The following MET variants were observed in gnomAD, a reference collection of about 807,000 sequenced individuals.
The protein encoded by MET is hepatocyte growth factor receptor.
In MET, 48 loss-of-function variants were observed where a neutral mutation model predicts 133.1. The observed-to-expected ratio is 0.36, with a 90% CI of 0.29 to 0.46. The LOEUF (loss-of-function observed/expected upper bound fraction) is 0.46, where lower values mean the gene tolerates loss of function less well. Among genes scored for constraint, MET ranks in the 20% least tolerant of loss-of-function variants. The probability of loss-of-function intolerance (pLI) is 1.00; values close to 1 mark genes in which losing one functional copy is unlikely to be tolerated. For missense variants in MET, 1,442 were observed against 1,695.9 expected (o/e 0.85, Z 2.63); for synonymous variants, 628 against 616.5 (o/e 1.02, Z -0.28).
At position 116,758,602 on chromosome 7, in the gene MET, C is replaced by T. The variant is rs1794279427; in HGVS notation, c.2246C>T (p.Pro749Leu). The T allele has an allele frequency of 6.2e-7, 1 of 1,613,566 alleles. No individual in the cohort carries two copies. The highest frequency in any genetic ancestry group is 8.5e-7 in the Non-Finnish European group (1 of 1,179,782). The change falls in exon 9 of 21, where the codon CCA becomes CTA. Residue 749 changes from proline to leucine, a missense_variant. Pro to Leu is a moderately conservative substitution (Grantham distance 98). Coordinates refer to ENST00000397752, the MANE Select transcript of MET (RefSeq NM_000245.4). ...GATCCCATTGTCTATGAAATTCATC[C>T]AACCAAATCTTTTATTAGGTAAGTA... ...REDPIVYEIH[P>L]TKSFISGGST...
intron 11 of MET, among the ~76,000 whole-genome samples, chr7:116,763,748 T>G (rs988091939): frequency 6.6e-6 from 1 of 152,212 alleles, no homozygotes; most frequent in Non-Finnish European, 1.5e-5. Flanking sequence ...AGGAACATAT[T>G]AGCTTCTAAA....
In MET at chr7:116,797,662, A is replaced by C. The variant is rs1020100182; in HGVS notation, c.*1538A>C. ...GTTTATTTTTAATGATATGAGAAAA[A>C]TTTTGTTAGGCCACAAAAACACTGC... On this transcript the variant is annotated 3_prime_UTR_variant, in exon 21 of 21. Transcript: ENST00000397752. The C allele has an allele frequency of 4.4e-6, 1 of 225,986 alleles. No individual in the cohort carries two copies. The highest frequency in any genetic ancestry group is 8.8e-6 in the Non-Finnish European group (1 of 113,338). 14.0% of individuals were successfully genotyped at this position (225,986 alleles called of 1,614,324 possible).
chr7:116,712,393 G>A (rs1259779984), intron 2 of MET, among the ~76,000 whole-genome samples: 3 of 152,110 alleles, frequency 2.0e-5, no homozygotes, highest in Non-Finnish European at 2.9e-5. Flanking sequence ...CAGTTCCATC[G>A]TTAGCCCCCT....
intron 19 of MET, among the ~76,000 whole-genome samples, chr7:116,787,307 G>T (rs916497601): frequency 6.6e-6 from 1 of 152,190 alleles, no homozygotes; most frequent in Non-Finnish European, 1.5e-5. Flanking sequence ...GGGTTAGTCT[G>T]CCATTAAGAA....
intron 2 of MET, among the ~76,000 whole-genome samples, chr7:116,719,832 C>A (rs1418399135): frequency 2.6e-5 from 4 of 152,010 alleles, no homozygotes; most frequent in Admixed American, 6.6e-5. Context: ...GGGCTCTGTT[C>A]TGTTCCATTG....
chr7:116,685,383 A>C (rs1767673479), intron 1 of MET, among the ~76,000 whole-genome samples: 1 of 152,200 alleles, frequency 6.6e-6, no homozygotes, highest in African/African-American at 2.4e-5. Flanking sequence ...AGATGCCTAA[A>C]AAATGTATGT....
chr7:116,741,071 T>TG, intron 5 of MET, 46 bp downstream of exon 5: 1 of 1,588,596 alleles, frequency 6.3e-7, no homozygotes, highest in South Asian at 1.1e-5. Flanking sequence ...TTTGGTGTTT[T>TG]TTTTTTTTTT....
At chr7:116,762,907 G>T in intron 10 of MET, 143 bp from the exon 11 acceptor site, 1 of 733,528 alleles carries the variant, frequency 1.4e-6, no homozygotes, top group Non-Finnish European at 2.3e-6. Context: ...TTCCAGAAAT[G>T]TGTAGTCTAA....
chr7:116,794,772 C>T (rs987184423), intron 19 of MET, among the ~76,000 whole-genome samples: 2 of 152,220 alleles, frequency 1.3e-5, no homozygotes, highest in Non-Finnish European at 2.9e-5. Flanking sequence ...TCCACAGGGG[C>T]GGCCTCTGCC....
intron 3 of MET, among the ~76,000 whole-genome samples, chr7:116,734,990 G>T: frequency 6.6e-6 from 1 of 152,138 alleles, no homozygotes; most frequent in Admixed American, 6.5e-5. Context: ...GCAAAGCATT[G>T]CTATTAAAAT....
rs866780626 is a variant in MET at position 116,718,592 on chromosome 7, C to T, written c.1201-13076C>T. Among the ~76,000 whole-genome samples the T allele has an allele frequency of 2.6e-4, 39 of 150,190 alleles. No individual in the cohort carries two copies. In the South Asian group the frequency reaches 5.1e-3, roughly 20 times the overall value. ...GTGCCATGCTGGTGTGCTGCACCCA[C>T]TAACTCATCATCTAGCATTAGGTAT... On this transcript the variant is annotated intron_variant, in intron 2 of 20. Transcript: ENST00000397752.
chr7:116,676,224 A>G (rs750246464), intron 1 of MET, among the ~76,000 whole-genome samples: 2 of 152,232 alleles, frequency 1.3e-5, no homozygotes, highest in Admixed American at 6.5e-5. Flanking sequence ...TTTAATTTCT[A>G]TAATAAATTA....
chr7:116,739,928 T>G (rs1417667928), intron 3 of MET, 22 bp from the exon 4 acceptor site: 1 of 1,614,020 alleles, frequency 6.2e-7, no homozygotes, highest in Non-Finnish European at 8.5e-7. Flanking sequence ...AATAAGGATG[T>G]TATAACTTTT....
chr7:116,767,313 A>G (rs1012732027), intron 11 of MET, among the ~76,000 whole-genome samples: 3 of 152,230 alleles, frequency 2.0e-5, no homozygotes, highest in Admixed American at 6.5e-5. Context: ...GGAAAGAGAC[A>G]TGGTACATCC....
At chr7:116,724,722 G>A in intron 2 of MET, 2 of 899,210 alleles carry the variant, frequency 2.2e-6, no homozygotes, top group Non-Finnish European at 3.2e-6. Flanking sequence ...CCACCCGGTA[G>A]AGCTGGAAGA....
chr7:116,726,026 T>A (rs534306270), intron 2 of MET, among the ~76,000 whole-genome samples: 2 of 146,952 alleles, frequency 1.4e-5, no homozygotes, highest in Non-Finnish European at 3.0e-5. Context: ...GACAGGGGGA[T>A]ACCCTGTCTC....
intron 16 of MET, among the ~76,000 whole-genome samples, chr7:116,777,862 C>A (rs1039630031): frequency 2.0e-5 from 3 of 152,144 alleles, no homozygotes; most frequent in African/African-American, 7.2e-5. Context: ...CCACAACTTC[C>A]ATTAAAAAGA....
chr7:116,754,382 A>G (rs1404944327), intron 5 of MET, among the ~76,000 whole-genome samples: 1 of 152,220 alleles, frequency 6.6e-6, no homozygotes, highest in Non-Finnish European at 1.5e-5. Flanking sequence ...ACCTTGGCTT[A>G]TAGAGCACAT....
intron 1 of MET, among the ~76,000 whole-genome samples, chr7:116,686,000 C>T (rs1796539853): frequency 6.6e-6 from 1 of 152,096 alleles, no homozygotes; most frequent in Non-Finnish European, 1.5e-5. Context: ...CACCAGGGTC[C>T]CCCTCCTGGA....
Sources: gnomAD v4.1 joint callset for allele counts (sites outside exome capture counted in the v4.1 genomes callset) on GRCh38, gnomAD v4.1.1 for gene constraint, MANE v1.5 for transcripts, NCBI Gene and HGNC (gene_info 2026-07-23, HGNC 2026-07-21) for gene names.